Variants in TMEM132D observed in about 807,000 individuals in gnomAD.
The protein encoded by TMEM132D is transmembrane protein 132D, also known as mature OL transmembrane protein.
Under a neutral mutation model 62.3 loss-of-function variants are expected in TMEM132D, and 21 were observed. The ratio of observed to expected loss-of-function variants is 0.34; its 90% CI spans 0.24 to 0.49. The LOEUF is 0.49. Among genes scored for constraint, TMEM132D ranks in the 20% least tolerant of loss-of-function variants. TMEM132D has a pLI of 0.99. For missense variants in TMEM132D, 1,346 were observed against 1,402.8 expected (o/e 0.96, Z 0.65); for synonymous variants, 621 against 575.6 (o/e 1.08, Z -1.13).
intron 2 of TMEM132D, among the ~76,000 whole-genome samples, chr12:129,623,312 A>G (rs1207491499): frequency 6.6e-6 from 1 of 152,124 alleles, no homozygotes; most frequent in African/African-American, 2.4e-5. Context: ...CTTTAGGGGT[A>G]CAGTGGTTTT....
At chr12:129,505,335 C>G (rs974415145) in intron 3 of TMEM132D, among the ~76,000 whole-genome samples, 1 of 151,960 alleles carries the variant, frequency 6.6e-6, no homozygotes, top group Non-Finnish European at 1.5e-5. Context: ...CTCCGCCTCC[C>G]GGGTTCATGC....
At chr12:129,196,578 T>G (rs1297758535) in intron 5 of TMEM132D, among the ~76,000 whole-genome samples, 1 of 152,154 alleles carries the variant, frequency 6.6e-6, no homozygotes, top group Non-Finnish European at 1.5e-5. Context: ...ACTGGTGATG[T>G]CTGCCCTGGG....
At chr12:129,115,477 C>T (rs1875866469) in intron 5 of TMEM132D, among the ~76,000 whole-genome samples, 1 of 152,080 alleles carries the variant, frequency 6.6e-6, no homozygotes, top group East Asian at 1.9e-4. Context: ...GTGCAGGCAT[C>T]GGGGACTCAG....
chr12:129,345,012 G>C (rs1869636371), intron 3 of TMEM132D, among the ~76,000 whole-genome samples: 1 of 152,052 alleles, frequency 6.6e-6, no homozygotes, highest in South Asian at 2.1e-4. Context: ...TCTTCCCTTT[G>C]CTTTTTGTTT....
intron 3 of TMEM132D, among the ~76,000 whole-genome samples, chr12:129,406,216 A>G (rs991639929): frequency 3.9e-5 from 6 of 152,372 alleles, no homozygotes; most frequent in Admixed American, 6.5e-5. Context: ...AGACACAAAG[A>G]AAGTTTTGTA....
intron 3 of TMEM132D, among the ~76,000 whole-genome samples, chr12:129,421,954 G>C (rs1872336625): frequency 6.6e-6 from 1 of 152,106 alleles, no homozygotes; most frequent in Non-Finnish European, 1.5e-5. Flanking sequence ...TGAAGGTACA[G>C]AACAATGCCA....
At position 129,092,180 on chromosome 12, in the gene TMEM132D, C is replaced by T. The variant is rs527709699; in HGVS notation, c.1444-7478G>A. The stretch of plus-strand genomic sequence containing the variant: ...ATTTCTGACTCTGGTGTGCATAATC[C>T]GGCACTTATGTGAATTTAATGCCAT... On this transcript the variant is annotated intron_variant, in intron 5 of 8. Transcript: ENST00000422113. 7.5e-4 allele frequency among the ~76,000 whole-genome samples: 114 copies of T among 152,180 alleles called. 2 individuals carry two copies. Among genetic ancestry groups the T allele is most frequent in the Middle Eastern group, 3.4e-3 (1 of 294 alleles).
At chr12:129,377,943 C>T (rs150504805) in intron 3 of TMEM132D, among the ~76,000 whole-genome samples, 37 of 152,216 alleles carry the variant, frequency 2.4e-4, no homozygotes, top group South Asian at 1.0e-3. Flanking sequence ...CAGGTTTAAG[C>T]GATAAAAGAT....
intron 4 of TMEM132D, among the ~76,000 whole-genome samples, chr12:129,307,589 A>C (rs1881875041): frequency 6.6e-6 from 1 of 152,072 alleles, no homozygotes; most frequent in South Asian, 2.1e-4. Flanking sequence ...GGTCCTCCAT[A>C]CAGCTGTCTG....
chr12:129,204,837 A>C (rs1878799778), intron 5 of TMEM132D, among the ~76,000 whole-genome samples: 1 of 152,206 alleles, frequency 6.6e-6, no homozygotes, highest in Non-Finnish European at 1.5e-5. Context: ...TTTCAGCAGA[A>C]ACCCTACATG....
chr12:129,862,413 G>A (rs1171883766), intron 1 of TMEM132D, among the ~76,000 whole-genome samples: 1 of 152,236 alleles, frequency 6.6e-6, no homozygotes, highest in Non-Finnish European at 1.5e-5. Flanking sequence ...CCAGGGGGCT[G>A]TGTGTTTGCT....
chr12:129,655,880 C>T (rs1304720332), intron 2 of TMEM132D, among the ~76,000 whole-genome samples: 1 of 152,126 alleles, frequency 6.6e-6, no homozygotes, highest in Non-Finnish European at 1.5e-5. Context: ...TGGTGACTTC[C>T]TGCATTCTGA....
intron 1 of TMEM132D, among the ~76,000 whole-genome samples, chr12:129,842,543 A>G (rs1593183453): frequency 6.6e-6 from 1 of 151,680 alleles, no homozygotes; most frequent in South Asian, 2.1e-4. Context: ...ATCTTATCTC[A>G]CTGCAGCCTC....
intron 5 of TMEM132D, among the ~76,000 whole-genome samples, chr12:129,136,718 C>A (rs1876571719): frequency 6.6e-6 from 1 of 151,938 alleles, no homozygotes. Context: ...ATATCATCAT[C>A]CCCATCACCA....
At chr12:129,177,922 C>T (rs1307633288) in intron 5 of TMEM132D, among the ~76,000 whole-genome samples, 1 of 152,136 alleles carries the variant, frequency 6.6e-6, no homozygotes, top group Non-Finnish European at 1.5e-5. Context: ...TCTGCCTCCT[C>T]CCTCTGCACC....
intron 1 of TMEM132D, among the ~76,000 whole-genome samples, chr12:129,881,079 A>G (rs1007137308): frequency 6.6e-6 from 1 of 152,064 alleles, no homozygotes; most frequent in Non-Finnish European, 1.5e-5. Flanking sequence ...TAAGAAAAAT[A>G]AACTTCCAAA....
chr12:129,106,522 C>T (rs1371102346), intron 5 of TMEM132D, among the ~76,000 whole-genome samples: 1 of 152,176 alleles, frequency 6.6e-6, no homozygotes, highest in Non-Finnish European at 1.5e-5. Context: ...GATGCAGATT[C>T]TGTCTCTTGA....
At chr12:129,171,610 T>G (rs2135546656) in intron 5 of TMEM132D, among the ~76,000 whole-genome samples, 1 of 152,372 alleles carries the variant, frequency 6.6e-6, no homozygotes, top group African/African-American at 2.4e-5. Context: ...AATTACTTTT[T>G]GCTTTGTAGG....
chr12:129,609,705 AGGTCG>A (rs948196072), intron 2 of TMEM132D, among the ~76,000 whole-genome samples: 59 of 152,272 alleles, frequency 3.9e-4, no homozygotes, highest in Middle Eastern at 3.4e-3. Context: ...TCCCACGAAG[AGGTCG>A]GGCCCCTCTT....
Sources: gnomAD v4.1 joint callset for allele counts (sites outside exome capture counted in the v4.1 genomes callset) on GRCh38, gnomAD v4.1.1 for gene constraint, MANE v1.5 for transcripts, NCBI Gene and HGNC (gene_info 2026-07-23, HGNC 2026-07-21) for gene names.